CLASP2: variants seen among roughly 807,000 people sequenced by gnomAD.
The protein encoded by CLASP2 is CLIP-associating protein 2.
Under a neutral mutation model 194.4 loss-of-function variants are expected in CLASP2, and 47 were observed. That is an observed-to-expected ratio of 0.24 (90% CI 0.19 to 0.31). CLASP2 has a LOEUF of 0.31. Among genes scored for constraint, CLASP2 ranks in the 10% least tolerant of loss-of-function variants. CLASP2 has a pLI of 1.00. For missense variants in CLASP2, 1,445 were observed against 1,823.6 expected (o/e 0.79, Z 3.78); for synonymous variants, 619 against 633.5 (o/e 0.98, Z 0.34).
chr3:33,527,286 TTAC>T (rs1171831860), intron 34 of CLASP2, among the ~76,000 whole-genome samples: 5 of 152,118 alleles, frequency 3.3e-5, no homozygotes, highest in Non-Finnish European at 7.4e-5. Context: ...GAAGGGAATG[TTAC>T]TACTGACTGC....
intron 30 of CLASP2, among the ~76,000 whole-genome samples, chr3:33,550,424 A>T (rs1382961247): frequency 1.3e-5 from 2 of 150,724 alleles, no homozygotes; most frequent in South Asian, 4.2e-4. Context: ...AAGATAGAAG[A>T]AGTAAACAGG....
At position 33,538,085 on chromosome 3, in the gene CLASP2, G is replaced by A. The variant is rs542749460; in HGVS notation, c.3558+704C>T. Among the ~76,000 whole-genome samples the A allele has an allele frequency of 7.2e-5, 11 of 151,786 alleles. No individual in the cohort carries two copies. In the East Asian group the frequency reaches 2.1e-3, roughly 29 times the overall value. On this transcript the variant is annotated intron_variant, in intron 33 of 38. Coordinates refer to ENST00000682230, the MANE Select transcript of CLASP2 (RefSeq NM_001365631.1). ...GAACCCGGAAGGCAGAGCTTGCAGT[G>A]AGCCGAGATTGCGCCACTGCACTCC...
At chr3:33,513,035 T>C (rs1031206043) in intron 36 of CLASP2, among the ~76,000 whole-genome samples, 3 of 151,678 alleles carry the variant, frequency 2.0e-5, no homozygotes, top group African/African-American at 7.3e-5. Context: ...AACAAGAAAA[T>C]ACACTGGACG....
At chr3:33,711,048 G>C (rs1291458958) in intron 1 of CLASP2, among the ~76,000 whole-genome samples, 3 of 152,186 alleles carry the variant, frequency 2.0e-5, no homozygotes, top group Non-Finnish European at 4.4e-5. Context: ...GAGAGGAAAA[G>C]ATGTAGAATA....
chr3:33,661,028 A>G (rs566129475), intron 7 of CLASP2, among the ~76,000 whole-genome samples: 58 of 152,316 alleles, frequency 3.8e-4, no homozygotes, highest in African/African-American at 1.2e-3. Context: ...TTCAATTGAT[A>G]TATTTTTCTA....
At chr3:33,539,248 C>T (rs1257443069) in intron 32 of CLASP2, among the ~76,000 whole-genome samples, 3 of 151,732 alleles carry the variant, frequency 2.0e-5, no homozygotes, top group Non-Finnish European at 2.9e-5. Context: ...AAGCTAAGAA[C>T]GTTTTTCACA....
chr3:33,619,020 C>T (rs1356394791), intron 12 of CLASP2, among the ~76,000 whole-genome samples: 1 of 152,128 alleles, frequency 6.6e-6, no homozygotes, highest in East Asian at 1.9e-4. Flanking sequence ...TATGTTAAGG[C>T]CTATTGCTCC....
intron 18 of CLASP2, among the ~76,000 whole-genome samples, chr3:33,598,638 C>T (rs2071158507): frequency 6.6e-6 from 1 of 152,108 alleles, no homozygotes; most frequent in East Asian, 1.9e-4. Flanking sequence ...TTCTTTCAAC[C>T]ACAGATAATT....
At chr3:33,680,273 G>A (rs1039696205) in intron 6 of CLASP2, among the ~76,000 whole-genome samples, 1 of 152,166 alleles carries the variant, frequency 6.6e-6, no homozygotes, top group African/African-American at 2.4e-5. Flanking sequence ...CTACAATAGC[G>A]GACACATGTC....
chr3:33,514,906 T>C (rs899488979), intron 36 of CLASP2, among the ~76,000 whole-genome samples: 4 of 152,012 alleles, frequency 2.6e-5, no homozygotes, highest in African/African-American at 9.7e-5. Flanking sequence ...AGGAATGAAA[T>C]AATGGCATCC....
chr3:33,519,979 A>G (rs181257658), intron 34 of CLASP2, among the ~76,000 whole-genome samples: 19 of 152,280 alleles, frequency 1.2e-4, no homozygotes, highest in Admixed American at 9.1e-4. Context: ...AACTGTCATA[A>G]TTTTGGCTTT....
intron 8 of CLASP2, among the ~76,000 whole-genome samples, chr3:33,636,899 C>T (rs1179973243): frequency 6.6e-6 from 1 of 151,938 alleles, no homozygotes; most frequent in African/African-American, 2.4e-5. Context: ...CTATGCCTGG[C>T]CAAAAATTTT....
Position 33,544,860 on chromosome 3 carries a change from C to A in CLASP2, c.3154-19G>T. 1.3e-6 allele frequency: 2 copies of A among 1,573,840 alleles called. No individual in the cohort carries two copies. The highest frequency in any genetic ancestry group is 2.7e-5 in the African/African-American group (2 of 73,386). On this transcript the variant is annotated intron_variant, in intron 30 of 38. Coordinates refer to ENST00000682230, the MANE Select transcript of CLASP2 (RefSeq NM_001365631.1). ...GTGCTGCCTAAAAAACAAAGGCATA[C>A]AGTAGATGAATATATTTTTGTTACT...
intron 1 of CLASP2, among the ~76,000 whole-genome samples, chr3:33,705,908 A>G (rs901108485): frequency 6.6e-6 from 1 of 152,232 alleles, no homozygotes. Context: ...AAAAGTATGT[A>G]TATCAAAAAA....
In CLASP2 at chr3:33,614,039, A is replaced by C. The variant is rs1453305248; in HGVS notation, c.1318-1968T>G. 3.3e-5 allele frequency among the ~76,000 whole-genome samples: 5 copies of C among 152,196 alleles called. No individual in the cohort carries two copies. The East Asian group carries it at 9.6e-4, about 29-fold the overall frequency. On this transcript the variant is annotated intron_variant, in intron 12 of 38. Transcript: ENST00000682230. ...ATTAATATAAGTTGACAACAGGGGA[A>C]AAAAAGCTTCCTAAAATTAAAAAGA... is the stretch of plus-strand genomic sequence containing the variant.
At chr3:33,664,876 G>C (rs1402750387) in intron 6 of CLASP2, among the ~76,000 whole-genome samples, 1 of 151,864 alleles carries the variant, frequency 6.6e-6, no homozygotes, top group South Asian at 2.1e-4. Context: ...AAGCAGCGCA[G>C]ATCACCTGAG....
At chr3:33,695,697 T>C (rs1489686899) in intron 2 of CLASP2, among the ~76,000 whole-genome samples, 3 of 152,224 alleles carry the variant, frequency 2.0e-5, no homozygotes, top group African/African-American at 7.2e-5. Flanking sequence ...GCTAACACTT[T>C]GGGAGGCCGA....
intron 9 of CLASP2, among the ~76,000 whole-genome samples, chr3:33,632,033 C>G (rs1055934167): frequency 6.6e-6 from 1 of 152,060 alleles, no homozygotes; most frequent in African/African-American, 2.4e-5. Context: ...TCTCTGAGCT[C>G]AAAACTCATT....
intron 12 of CLASP2, among the ~76,000 whole-genome samples, chr3:33,617,200 A>G (rs184338938): frequency 2.5e-4 from 38 of 152,228 alleles, no homozygotes; most frequent in African/African-American, 8.9e-4. Flanking sequence ...AGTGAAAAAG[A>G]ACACTTCCTG....
Sources: gnomAD v4.1 joint callset for allele counts (sites outside exome capture counted in the v4.1 genomes callset) on GRCh38, gnomAD v4.1.1 for gene constraint, MANE v1.5 for transcripts, NCBI Gene and HGNC (gene_info 2026-07-23, HGNC 2026-07-21) for gene names.